Variants in SEMA3D observed in about 807,000 individuals in gnomAD.
The protein encoded by SEMA3D is semaphorin-3D.
In SEMA3D, 84 loss-of-function variants were observed where a neutral mutation model predicts 100.1. That is an observed-to-expected ratio of 0.84 (90% CI 0.70 to 1.01). The LOEUF (loss-of-function observed/expected upper bound fraction) is 1.01. SEMA3D is among the 50% of genes least tolerant of loss of function. The pLI is 0.00. For synonymous variants in SEMA3D, 312 were observed against 320.7 expected (o/e 0.97, Z 0.29); for missense variants, 875 against 934.1 (o/e 0.94, Z 0.82).
At chr7:85,056,780 T>C (rs1427219256) in intron 8 of SEMA3D, among the ~76,000 whole-genome samples, 1 of 150,180 alleles carries the variant, frequency 6.7e-6, no homozygotes, top group East Asian at 2.0e-4. Context: ...CTATCCGTGG[T>C]ATATATTAGT....
chr7:85,118,682 G>T lies in SEMA3D; in HGVS notation c.151+3059C>A, dbSNP rs547819313. Among the ~76,000 whole-genome samples, 29 of 152,164 alleles carry T rather than the reference G, an allele frequency of 1.9e-4. No homozygotes were observed. In the East Asian group the frequency reaches 3.5e-3, roughly 18 times the overall value. ...GCTTTATATTAGATGTTTGTCAGGT[G>T]CATAGTTTGCAACAATTTTCTCTGA... On this transcript the variant is annotated intron_variant, in intron 3 of 18. Transcript: ENST00000284136.
chr7:85,184,463 A>G (rs1177659366), intron 1 of SEMA3D, among the ~76,000 whole-genome samples: 1 of 152,102 alleles, frequency 6.6e-6, no homozygotes, highest in Non-Finnish European at 1.5e-5. Context: ...AAATGGGACA[A>G]TACCCATTTA....
At chr7:85,206,074 G>A in the SEMA3D span, among the ~76,000 whole-genome samples, 8 of 152,152 alleles carry the variant, frequency 5.3e-5, no homozygotes, top group African/African-American at 9.6e-5. Context: ...GGAAAATGAC[G>A]TATCAGGACC....
At chr7:85,246,800 G>C in the SEMA3D span, among the ~76,000 whole-genome samples, 3 of 151,818 alleles carry the variant, frequency 2.0e-5, no homozygotes, top group Non-Finnish European at 4.4e-5. Flanking sequence ...GGACCCAGGA[G>C]ACATGTATAA....
chr7:85,158,957 G>A (rs1249820331), intron 1 of SEMA3D, among the ~76,000 whole-genome samples: 1 of 152,008 alleles, frequency 6.6e-6, no homozygotes, highest in Non-Finnish European at 1.5e-5. Context: ...ATTCCTCATT[G>A]TGACTTATTT....
chr7:85,033,227 C>T (rs536769860), intron 12 of SEMA3D, among the ~76,000 whole-genome samples: 6 of 152,048 alleles, frequency 3.9e-5, no homozygotes, highest in Non-Finnish European at 7.4e-5. Context: ...TCTGAGTAGT[C>T]GGCAGAAGAG....
intron 1 of SEMA3D, among the ~76,000 whole-genome samples, chr7:85,158,268 T>C (rs1470575610): frequency 1.3e-5 from 2 of 152,054 alleles, no homozygotes; most frequent in East Asian, 3.9e-4. Flanking sequence ...CAAAAGCAAA[T>C]AGGAGAAATA....
intron 1 of SEMA3D, among the ~76,000 whole-genome samples, chr7:85,160,388 G>C (rs1790714465): frequency 6.6e-6 from 1 of 151,934 alleles, no homozygotes; most frequent in South Asian, 2.1e-4. Context: ...TCTGAGTCAG[G>C]CAGAATGAGT....
chr7:85,127,041 T>G (rs1056547029), intron 2 of SEMA3D, among the ~76,000 whole-genome samples: 1 of 152,164 alleles, frequency 6.6e-6, no homozygotes, highest in Non-Finnish European at 1.5e-5. Flanking sequence ...TGTCTTCAGA[T>G]GCCATGAATT....
chr7:85,202,474 T>A, the SEMA3D span, among the ~76,000 whole-genome samples: 1 of 151,992 alleles, frequency 6.6e-6, no homozygotes, highest in Non-Finnish European at 1.5e-5. Context: ...GACATTTGGG[T>A]TGGTTCCAAG....
the SEMA3D span, among the ~76,000 whole-genome samples, chr7:85,206,808 G>C: frequency 6.6e-6 from 1 of 152,066 alleles, no homozygotes; most frequent in Non-Finnish European, 1.5e-5. Flanking sequence ...ATTAAAGTGT[G>C]TCTTCAGGCT....
At chr7:85,051,901 G>A in intron 9 of SEMA3D, among the ~76,000 whole-genome samples, 1 of 151,828 alleles carries the variant, frequency 6.6e-6, no homozygotes, top group African/African-American at 2.4e-5. Flanking sequence ...AGGAGCAAGA[G>A]AATTAAAATG....
At chr7:85,103,342 C>T (rs1232286987) in intron 3 of SEMA3D, among the ~76,000 whole-genome samples, 1 of 152,020 alleles carries the variant, frequency 6.6e-6, no homozygotes, top group African/African-American at 2.4e-5. Context: ...TTTGGCAATA[C>T]ACTTCAGAGC....
Position 85,055,728 on chromosome 7 carries a change from T to C in SEMA3D, c.850A>G (p.Arg284Gly). Reference sequence around the variant, plus strand: ...TAAATATATCTTGCCTTACAAACTCTTCCAACTCGAGAAAGGATGGTTTTA... The same window carrying C: ...TAAATATATCTTGCCTTACAAACTCCTCCAACTCGAGAAAGGATGGTTTTA... ...SDKTILSRVG[R>G]VCKNDVGGQR... Residue 284 changes from arginine to glycine, a missense_variant, in exon 9 of 19, where the codon AGA becomes GGA. Coordinates refer to ENST00000284136, the MANE Select transcript of SEMA3D (RefSeq NM_001384900.1). 1 of 1,465,070 alleles carries C rather than the reference T, an allele frequency of 6.8e-7. No individual in the cohort carries two copies. The highest frequency in any genetic ancestry group is 9.3e-7 in the Non-Finnish European group (1 of 1,073,208). The allele number at this position is 1,465,070 out of a possible 1,614,324, so 90.8% of individuals were successfully genotyped here.
At chr7:85,146,446 C>T (rs903353562) in intron 2 of SEMA3D, among the ~76,000 whole-genome samples, 23 of 151,558 alleles carry the variant, frequency 1.5e-4, no homozygotes, top group Non-Finnish European at 2.5e-4. Flanking sequence ...CCCAGCTACT[C>T]GGGAGGCTGA....
intron 18 of SEMA3D, among the ~76,000 whole-genome samples, chr7:85,000,566 T>C (rs903523580): frequency 3.9e-5 from 6 of 152,146 alleles, no homozygotes; most frequent in Non-Finnish European, 5.9e-5. Context: ...TGGATTGAAT[T>C]TTCATACTGT....
At chr7:85,229,383 G>A in the SEMA3D span, among the ~76,000 whole-genome samples, 3 of 151,716 alleles carry the variant, frequency 2.0e-5, no homozygotes, top group Admixed American at 2.0e-4. Context: ...TCCAATAACT[G>A]AATATTTTAG....
rs1562816970 is a variant in SEMA3D, at chr7:85,097,828, C to T, written c.289G>A (p.Asp97Asn). Residue 97 changes from aspartate (D) to asparagine (N), a missense_variant, in exon 4 of 19, where the codon GAC becomes AAC. Transcript: ENST00000284136. ...ACCTTCTTAAAATTTTTGTTTAAGT[C>T]AACCAGACTGAGTAGAAAGATGTGG... is the stretch of plus-strand genomic sequence containing the variant. ...KDHIFLLSLV[D>N]LNKNFKKIYW... The T allele has an allele frequency of 6.2e-7, 1 of 1,603,854 alleles. No homozygotes were observed. The highest frequency in any genetic ancestry group is 8.5e-7 in the Non-Finnish European group (1 of 1,172,872).
intron 3 of SEMA3D, among the ~76,000 whole-genome samples, chr7:85,120,640 C>T (rs1407952029): frequency 7.2e-6 from 1 of 138,244 alleles, no homozygotes; most frequent in Non-Finnish European, 1.5e-5. Context: ...GCCCACCAGC[C>T]TGGGCAACAG....
Sources: allele counts gnomAD v4.1 joint callset (sites outside exome capture counted in the v4.1 genomes callset), GRCh38; gene constraint gnomAD v4.1.1; transcripts MANE v1.5; gene names NCBI Gene and HGNC (gene_info 2026-07-23, HGNC 2026-07-21).